The following THRB variants were observed in gnomAD, a reference collection of about 807,000 sequenced individuals.
THRB encodes thyroid hormone receptor beta.
A neutral mutation model predicts 47.8 loss-of-function variants in THRB; 12 were observed. The observed-to-expected ratio is 0.25, with a 90% CI of 0.16 to 0.41. The LOEUF is 0.41. Among genes scored for constraint, THRB ranks in the 10% least tolerant of loss-of-function variants. The pLI is 1.00. For synonymous variants in THRB, 218 were observed against 212.2 expected, an observed-to-expected ratio of 1.03 and a Z score of -0.24; for missense variants, 348 against 589.2, an observed-to-expected ratio of 0.59 and a Z score of 4.24.
At chr3:24,412,932 C>T (rs2068431470) in intron 1 of THRB, among the ~76,000 whole-genome samples, 1 of 151,492 alleles carries the variant, frequency 6.6e-6, no homozygotes, top group Non-Finnish European at 1.5e-5. Context: ...TGTATTAATG[C>T]TCTAGGAAAT....
At chr3:24,487,072 T>C (rs1349684280) in intron 1 of THRB, among the ~76,000 whole-genome samples, 2 of 152,146 alleles carry the variant, frequency 1.3e-5, no homozygotes, top group African/African-American at 4.8e-5. Context: ...GGACAGAAAT[T>C]TAGCAGGACT....
intron 1 of THRB, among the ~76,000 whole-genome samples, chr3:24,414,784 G>A (rs1326981719): frequency 6.6e-6 from 1 of 151,818 alleles, no homozygotes; most frequent in Non-Finnish European, 1.5e-5. Flanking sequence ...ATATTTGCAT[G>A]AATACTGTAT....
chr3:24,188,858 A>AATATATATATATATATATAT (rs34740399), intron 5 of THRB, among the ~76,000 whole-genome samples: 960 of 93,964 alleles, frequency 0.01, 51 homozygotes, highest in African/African-American at 0.02. Context: ...GATCTCCTCA[A>AATATATATATATATATATAT]ATATATATAT....
chr3:24,393,293 C>T (rs1354561122), intron 1 of THRB, among the ~76,000 whole-genome samples: 1 of 152,178 alleles, frequency 6.6e-6, no homozygotes, highest in Non-Finnish European at 1.5e-5. Flanking sequence ...CCCACTATCA[C>T]TCAAAGAACC....
chr3:24,300,244 TC>T (rs578087376), intron 2 of THRB, among the ~76,000 whole-genome samples: 38 of 152,262 alleles, frequency 2.5e-4, no homozygotes, highest in African/African-American at 7.2e-4. Flanking sequence ...GATACACTAT[TC>T]CAGGTGTTGC....
At chr3:24,304,720 C>A (rs955014693) in intron 2 of THRB, among the ~76,000 whole-genome samples, 3 of 151,846 alleles carry the variant, frequency 2.0e-5, no homozygotes, top group Non-Finnish European at 1.5e-5. Flanking sequence ...GTAGAAAGAA[C>A]AAATACATTC....
chr3:24,375,397 TTAGACATATAATATTAATATATTATAG>T (rs1286960293), intron 1 of THRB, among the ~76,000 whole-genome samples: 12 of 118,470 alleles, frequency 1.0e-4, no homozygotes, highest in African/African-American at 3.1e-4. Flanking sequence ...TATATTATAG[TTAGACATATAATATTAATATATTATAG>T]TTAGACATAT....
chr3:24,328,386 T>A (rs2061719164), intron 2 of THRB, among the ~76,000 whole-genome samples: 1 of 152,144 alleles, frequency 6.6e-6, no homozygotes, highest in African/African-American at 2.4e-5. Context: ...CCAGGAAATA[T>A]CCATGAGCAT....
chr3:24,481,315 T>C (rs1353349794), intron 1 of THRB, among the ~76,000 whole-genome samples: 1 of 144,168 alleles, frequency 6.9e-6, no homozygotes, highest in Non-Finnish European at 1.5e-5. Flanking sequence ...TTATTTATAA[T>C]GCAGGACAGC....
intron 2 of THRB, among the ~76,000 whole-genome samples, chr3:24,317,658 A>G (rs2058214456): frequency 6.6e-6 from 1 of 152,244 alleles, no homozygotes; most frequent in South Asian, 2.1e-4. Context: ...AACCTAGTTA[A>G]GAAACTACAA....
At chr3:24,315,470 C>A (rs1323109560) in intron 2 of THRB, among the ~76,000 whole-genome samples, 3 of 152,200 alleles carry the variant, frequency 2.0e-5, no homozygotes, top group East Asian at 1.9e-4. Flanking sequence ...GCTTGGCTGG[C>A]GTCATGGCTG....
intron 1 of THRB, among the ~76,000 whole-genome samples, chr3:24,402,360 A>G (rs1478077123): frequency 1.3e-5 from 2 of 152,064 alleles, no homozygotes; most frequent in African/African-American, 4.8e-5. Context: ...GACCAAATCA[A>G]CACCTTGAGG....
At chr3:24,245,655 G>A (rs535834576) in intron 3 of THRB, among the ~76,000 whole-genome samples, 1 of 152,168 alleles carries the variant, frequency 6.6e-6, no homozygotes, top group African/African-American at 2.4e-5. Context: ...GCTCACACCT[G>A]TAATCCCAGC....
intron 1 of THRB, among the ~76,000 whole-genome samples, chr3:24,389,940 A>C (rs1290269980): frequency 6.6e-6 from 1 of 152,200 alleles, no homozygotes; most frequent in Non-Finnish European, 1.5e-5. Context: ...TGGAGCACTC[A>C]CTGAATAAAA....
intron 5 of THRB, among the ~76,000 whole-genome samples, chr3:24,153,642 G>C (rs1177754984): frequency 6.6e-6 from 1 of 152,122 alleles, no homozygotes; most frequent in Admixed American, 6.5e-5. Flanking sequence ...GCTTCCTGTG[G>C]AGAGGATGCC....
At chr3:24,136,899 C>G (rs1411369622) in intron 8 of THRB, among the ~76,000 whole-genome samples, 2 of 152,244 alleles carry the variant, frequency 1.3e-5, no homozygotes, top group Non-Finnish European at 2.9e-5. Context: ...GCTGCCTTCT[C>G]TCCAGACTTT....
chr3:24,187,279 G>T (rs1374241466), intron 5 of THRB, among the ~76,000 whole-genome samples: 1 of 152,138 alleles, frequency 6.6e-6, no homozygotes, highest in Non-Finnish European at 1.5e-5. Flanking sequence ...CTTACTCTCA[G>T]TTTCTGTATT....
chr3:24,443,727 A>G (rs1180175495), intron 1 of THRB, among the ~76,000 whole-genome samples: 1 of 152,198 alleles, frequency 6.6e-6, no homozygotes, highest in Non-Finnish European at 1.5e-5. Context: ...AAAAGAAACT[A>G]TGATACTCCA....
At chr3:24,212,951 C>T (rs189020522) in intron 4 of THRB, among the ~76,000 whole-genome samples, 11 of 152,298 alleles carry the variant, frequency 7.2e-5, no homozygotes, top group Admixed American at 6.5e-4. Context: ...AACTGGCAGA[C>T]GTTCTAAACC....
Sources: gnomAD v4.1 joint callset for allele counts (sites outside exome capture counted in the v4.1 genomes callset) on GRCh38, gnomAD v4.1.1 for gene constraint, MANE v1.5 for transcripts, NCBI Gene and HGNC (gene_info 2026-07-23, HGNC 2026-07-21) for gene names.